The following KIF4A variants were observed in gnomAD, a reference collection of about 807,000 sequenced individuals.
KIF4A encodes kinesin family member 4A.
In KIF4A, 7 loss-of-function variants were observed where a neutral mutation model predicts 105.9. The observed-to-expected ratio is 0.07, with a 90% confidence interval of 0.04 to 0.12. The LOEUF (loss-of-function observed/expected upper bound fraction) is 0.12. KIF4A is among the 10% of genes least tolerant of loss of function. The pLI, the probability that KIF4A is intolerant of heterozygous loss-of-function variation, is 1.00. For synonymous variants in KIF4A, 281 were observed against 331.3 expected (o/e 0.85, Z 1.65); for missense variants, 558 against 929.2 (o/e 0.60, Z 5.19).
intron 7 of KIF4A, among the ~76,000 whole-genome samples, chrX:70,303,754 A>T (rs896218566): frequency 2.7e-5 from 3 of 110,409 alleles, no homozygotes; most frequent in African/African-American, 9.9e-5. Context: ...AACTGTACAT[A>T]TCAGTGGATT....
At chrX:70,416,906 A>G (rs1025091029) in intron 28 of KIF4A, among the ~76,000 whole-genome samples, 1 of 112,837 alleles carries the variant, frequency 8.9e-6, no homozygotes, top group Non-Finnish European at 1.9e-5. Flanking sequence ...TGAAAACTGT[A>G]AAGTGCTATC....
intron 7 of KIF4A, among the ~76,000 whole-genome samples, chrX:70,325,391 C>T (rs762623365): frequency 3.6e-5 from 4 of 110,767 alleles, no homozygotes; most frequent in African/African-American, 6.6e-5. Flanking sequence ...GATTCTCCCA[C>T]CCCAGCTTCC....
rs2086360746 is a variant in KIF4A, at chrX:70,420,115, A to C, written c.3549A>C (p.Pro1183=). The change falls in exon 31 of 31, where the codon CCA becomes CCC. Residue 1183 remains proline (P), a synonymous_variant. Transcript: ENST00000374403. ...VEQVLSKKTP[P]APSPFDLPEL... ...AGGTGCTGTCAAAGAAGACTCCCCCAGCTCCCTCCCCTTTTGACCTCCCAG... is the reference window on the plus strand; with the variant it reads ...AGGTGCTGTCAAAGAAGACTCCCCCCGCTCCCTCCCCTTTTGACCTCCCAG... 1 of 1,208,805 alleles carries C rather than the reference A, an allele frequency of 8.3e-7. No homozygotes were observed. Among genetic ancestry groups the C allele is most frequent in the African/African-American group, 1.8e-5 (1 of 56,836 alleles).
intron 28 of KIF4A, among the ~76,000 whole-genome samples, chrX:70,412,697 C>T (rs1432190172): frequency 1.8e-5 from 2 of 111,585 alleles, no homozygotes; most frequent in Non-Finnish European, 3.8e-5. Flanking sequence ...CTGAAGTGGG[C>T]AGATTACTTG....
Position 70,317,568 on chromosome X carries a change from C to T in KIF4A, c.779-11837C>T, listed in dbSNP as rs770240832. Among the ~76,000 whole-genome samples, 4 of 74,142 alleles carry T rather than the reference C, an allele frequency of 5.4e-5. No individual in the cohort carries two copies. In the East Asian group the frequency reaches 1.5e-3, roughly 27 times the overall value. The allele number at this position is 74,142 out of a possible 115,157, so 64.4% of individuals were successfully genotyped here. ...CCTTTTTTTTTTTTTTTTTTTGAGACAGGGTCTCGCTCTGTTGCCCAGGCT... is the reference window on the plus strand; with the variant it reads ...CCTTTTTTTTTTTTTTTTTTTGAGATAGGGTCTCGCTCTGTTGCCCAGGCT... On this transcript the variant is annotated intron_variant, in intron 7 of 30. Transcript: ENST00000374403.
At chrX:70,415,204 TC>T (rs1252932772) in intron 28 of KIF4A, 1 of 174,877 alleles carries the variant, frequency 5.7e-6, no homozygotes, top group Non-Finnish European at 1.1e-5. Flanking sequence ...TGTGGCAACT[TC>T]ATAGAGTGAA....
At chrX:70,346,078 T>C (rs1216730784) in intron 13 of KIF4A, among the ~76,000 whole-genome samples, 2 of 111,049 alleles carry the variant, frequency 1.8e-5, no homozygotes, top group Non-Finnish European at 3.8e-5. Flanking sequence ...AGGAAAAATT[T>C]AAGAGCTTTT....
rs1207558823 is a variant in KIF4A at position 70,417,793 on chromosome X, T to G, written c.3256-95T>G. The G allele has an allele frequency of 2.7e-5, 18 of 666,952 alleles. No homozygotes were observed. In the East Asian group the frequency reaches 5.7e-4, roughly 21 times the overall value. 55.0% of individuals were successfully genotyped at this position (666,952 alleles called of 1,213,427 possible). ...CTTGGTAGATAATAGTACTTTCCAT[T>G]TTTTTCTAGAAAAGCTTGCAAATGA... On this transcript the variant is annotated intron_variant, in intron 28 of 30. Transcript: ENST00000374403.
At chrX:70,411,154 C>T (rs916084995) in intron 28 of KIF4A, among the ~76,000 whole-genome samples, 2 of 111,297 alleles carry the variant, frequency 1.8e-5, no homozygotes, top group African/African-American at 6.5e-5. Context: ...AGCCTGGGCA[C>T]GGTGGCTCAT....
intron 7 of KIF4A, among the ~76,000 whole-genome samples, chrX:70,327,862 G>C (rs1238289869): frequency 1.8e-5 from 2 of 111,939 alleles, no homozygotes; most frequent in Non-Finnish European, 3.8e-5. Context: ...GACATGGTGA[G>C]AATGGTAGAA....
At chrX:70,344,477 G>A (rs983584328) in intron 13 of KIF4A, among the ~76,000 whole-genome samples, 5 of 111,446 alleles carry the variant, frequency 4.5e-5, no homozygotes, top group Admixed American at 2.8e-4. Flanking sequence ...TGGCAGGTGT[G>A]TTTTGGGGGT....
chrX:70,328,243 A>G (rs1448579432), intron 7 of KIF4A, among the ~76,000 whole-genome samples: 1 of 111,846 alleles, frequency 8.9e-6, no homozygotes, highest in Non-Finnish European at 1.9e-5. Context: ...TGAGAAGTCC[A>G]GGGTCATGGT....
chrX:70,314,348 T>C (rs1199686576), intron 7 of KIF4A, among the ~76,000 whole-genome samples: 6 of 112,100 alleles, frequency 5.4e-5, no homozygotes, highest in Admixed American at 4.8e-4. Context: ...GTTGCATTAC[T>C]GTGGATTGGG....
Position 70,310,000 on chromosome X carries a change from G to A in KIF4A, c.778+7602G>A, listed in dbSNP as rs138051415. ...GGAGGTTGCAGTGAGCCAAGATCAC[G>A]CCACTGCACTCCAGGCTGGGTGACA... On this transcript the variant is annotated intron_variant, in intron 7 of 30. Transcript: ENST00000374403. Among the ~76,000 whole-genome samples the A allele has an allele frequency of 2.0e-4, 22 of 112,283 alleles. No homozygotes were observed. In the East Asian group the frequency reaches 4.4e-3, roughly 23 times the overall value.
chrX:70,416,055 C>T (rs935542832), intron 28 of KIF4A, among the ~76,000 whole-genome samples: 8 of 108,505 alleles, frequency 7.4e-5, no homozygotes, highest in African/African-American at 2.0e-4. Context: ...TTAGTGGAGA[C>T]GGGGTTTCAC....
chrX:70,354,387 G>A (rs1342797136), intron 15 of KIF4A, among the ~76,000 whole-genome samples: 1 of 112,213 alleles, frequency 8.9e-6, no homozygotes, highest in Non-Finnish European at 1.9e-5. Flanking sequence ...ATGGGTGGTA[G>A]GGGGAAGAAT....
intron 15 of KIF4A, among the ~76,000 whole-genome samples, chrX:70,371,460 C>T (rs2086132373): frequency 8.9e-6 from 1 of 112,235 alleles, no homozygotes; most frequent in Admixed American, 9.4e-5. Flanking sequence ...CCGCCATTGT[C>T]ATCATGGCCC....
intron 15 of KIF4A, among the ~76,000 whole-genome samples, chrX:70,369,225 G>A (rs375789250): frequency 1.8e-5 from 2 of 112,040 alleles, no homozygotes; most frequent in Admixed American, 9.4e-5. Context: ...GCCCTGCTTC[G>A]GCTCACGCTT....
chrX:70,402,187 C>T (rs777433378), intron 22 of KIF4A, among the ~76,000 whole-genome samples: 29 of 111,701 alleles, frequency 2.6e-4, no homozygotes, highest in Non-Finnish European at 4.1e-4. Context: ...AAGTCTCCAA[C>T]CTGAATCTTA....
Sources: gnomAD v4.1 joint callset for allele counts (sites outside exome capture counted in the v4.1 genomes callset) on GRCh38, gnomAD v4.1.1 for gene constraint, MANE v1.5 for transcripts, NCBI Gene and HGNC (gene_info 2026-07-23, HGNC 2026-07-21) for gene names.